SHQ1: variants seen among roughly 807,000 people sequenced by gnomAD.
SHQ1 encodes the protein protein SHQ1 homolog.
In SHQ1, 49 loss-of-function variants were observed where a neutral mutation model predicts 53.8. The observed-to-expected ratio is 0.91, with a 90% CI of 0.72 to 1.16. The LOEUF (loss-of-function observed/expected upper bound fraction) is 1.16, where lower values mean the gene tolerates loss of function less well. SHQ1 is among the 50% of genes most tolerant of loss of function. SHQ1 has a pLI of 0.00. For synonymous variants in SHQ1, 243 were observed against 251.0 expected (o/e 0.97, Z 0.30); for missense variants, 738 against 683.1 (o/e 1.08, Z -0.90).
chr3:72,826,941 A>G (rs1041337905), intron 5 of SHQ1, among the ~76,000 whole-genome samples: 1 of 152,268 alleles, frequency 6.6e-6, no homozygotes, highest in Non-Finnish European at 1.5e-5. Flanking sequence ...GTTTAGAAAC[A>G]TCACTCTTAT....
rs745530981 is a variant in SHQ1 at position 72,824,407 on chromosome 3, G to A, written c.727+17C>T. 7.0e-5 allele frequency: 113 copies of A among 1,608,186 alleles called. No homozygotes were observed. The highest frequency in any genetic ancestry group is 8.7e-5 in the Non-Finnish European group (103 of 1,178,936). ...GATTTTAAAATGAAACAAATTAGCC[G>A]AATTTGAGTTTCTTACCTAATGTAG... is the stretch of plus-strand genomic sequence containing the variant. On this transcript the variant is annotated intron_variant, in intron 6 of 10. Coordinates refer to ENST00000325599, the MANE Select transcript of SHQ1 (RefSeq NM_018130.3).
intron 4 of SHQ1, among the ~76,000 whole-genome samples, chr3:72,835,649 C>T (rs879773896): frequency 6.6e-6 from 1 of 152,206 alleles, no homozygotes; most frequent in Admixed American, 6.5e-5. Context: ...GAGCACAGCT[C>T]TGCACAATCT....
intron 1 of SHQ1, 112 bp from the exon 2 acceptor site, chr3:72,844,535 G>A (rs1266158290): frequency 4.8e-6 from 4 of 827,016 alleles, no homozygotes; most frequent in Non-Finnish European, 8.3e-6. Context: ...TTTTTAAGAA[G>A]TTCCTCAGTA....
rs905215260 is a variant in SHQ1, at chr3:72,798,779, T to A, written c.1061-5743A>T. 2.0e-5 allele frequency among the ~76,000 whole-genome samples: 3 copies of A among 152,348 alleles called. 1 individual carries two copies. In the South Asian group the frequency reaches 6.2e-4, roughly 32 times the overall value. ...AATGGTTTCCATCTCTAGGAGATGA[T>A]CAGGGTAGTGGATGTTTTTGCTGGC... On this transcript the variant is annotated intron_variant, in intron 9 of 10. Coordinates refer to ENST00000325599, the MANE Select transcript of SHQ1 (RefSeq NM_018130.3).
intron 9 of SHQ1, among the ~76,000 whole-genome samples, chr3:72,804,758 G>A (rs1706889074): frequency 6.6e-6 from 1 of 152,156 alleles, no homozygotes; most frequent in Non-Finnish European, 1.5e-5. Context: ...GGGAGGCTGA[G>A]GCAGGAGGAT....
intron 6 of SHQ1, among the ~76,000 whole-genome samples, chr3:72,823,180 T>C (rs369018756): frequency 6.7e-6 from 1 of 150,088 alleles, no homozygotes; most frequent in Admixed American, 6.6e-5. Flanking sequence ...GTCACTATAA[T>C]GAGCTTCTGT....
chr3:72,768,943 C>G (rs1251325691), intron 10 of SHQ1, among the ~76,000 whole-genome samples: 1 of 152,132 alleles, frequency 6.6e-6, no homozygotes, highest in Non-Finnish European at 1.5e-5. Context: ...ATTGAGTGGC[C>G]AGTATTTGCT....
At chr3:72,737,846 C>T in the SHQ1 span, among the ~76,000 whole-genome samples, 2 of 152,234 alleles carry the variant, frequency 1.3e-5, no homozygotes, top group Non-Finnish European at 2.9e-5. Context: ...GCTGTATTGG[C>T]TGTGCCTTAC....
At chr3:72,803,419 G>A (rs960240671) in intron 9 of SHQ1, among the ~76,000 whole-genome samples, 5 of 152,090 alleles carry the variant, frequency 3.3e-5, no homozygotes, top group Admixed American at 1.3e-4. Context: ...ATCTCAGTTT[G>A]CTTCTCCTAA....
Position 72,842,353 on chromosome 3 carries a change from C to T in SHQ1, c.258G>A (p.Glu86=). 6.2e-7 allele frequency: 1 copy of T among 1,613,940 alleles called. No homozygotes were observed. The highest frequency in any genetic ancestry group is 8.5e-7 in the Non-Finnish European group (1 of 1,179,896). The part of the protein sequence containing the change: ...LPKETPGQHF[E]GLNMLTALLA... Reference sequence around the variant, plus strand: ...GAAGAGCAGTTAACATGTTCAGCCCCTCAAAATGCTGGCCAGGGGTTTCTT... The same window carrying T: ...GAAGAGCAGTTAACATGTTCAGCCCTTCAAAATGCTGGCCAGGGGTTTCTT... Residue 86 remains glutamate (E), a synonymous_variant, in exon 3 of 11, where the codon GAG becomes GAA. Transcript: ENST00000325599.
intron 1 of SHQ1, among the ~76,000 whole-genome samples, chr3:72,846,533 A>G (rs1317572117): frequency 6.6e-6 from 1 of 152,084 alleles, no homozygotes; most frequent in Non-Finnish European, 1.5e-5. Flanking sequence ...CCTGACCTCA[A>G]GTGATCTGCC....
chr3:72,772,604 T>C, intron 10 of SHQ1: 1 of 704,130 alleles, frequency 1.4e-6, no homozygotes, highest in Non-Finnish European at 2.7e-6. Flanking sequence ...AAAAACATTT[T>C]CTTAGGACTT....
At chr3:72,773,307 T>C in intron 10 of SHQ1, 1 of 615,584 alleles carries the variant, frequency 1.6e-6, no homozygotes, top group East Asian at 3.6e-5. Flanking sequence ...AATTGGAATC[T>C]AGCTCCAAAG....
Position 72,761,681 on chromosome 3 carries a change from A to G in SHQ1, c.1182-10845T>C, listed in dbSNP as rs191013664. On this transcript the variant is annotated intron_variant, in intron 10 of 10. Transcript: ENST00000325599. Reference sequence around the variant, plus strand: ...CACATGGTAAACTCATGAAGTACTTACAGCAACCCTGTGAGATAGGTACTA... The same window carrying G: ...CACATGGTAAACTCATGAAGTACTTGCAGCAACCCTGTGAGATAGGTACTA... 5.3e-4 allele frequency among the ~76,000 whole-genome samples: 81 copies of G among 152,342 alleles called. 2 individuals are homozygous for G. The highest frequency in any genetic ancestry group is 3.7e-3 in the Admixed American group (56 of 15,304).
chr3:72,789,307 C>T (rs1437514152), intron 10 of SHQ1, among the ~76,000 whole-genome samples: 2 of 152,122 alleles, frequency 1.3e-5, no homozygotes, highest in African/African-American at 2.4e-5. Flanking sequence ...AATGCAAGGA[C>T]TTTTTTGCTT....
At chr3:72,826,144 T>C (rs1001969145) in intron 5 of SHQ1, among the ~76,000 whole-genome samples, 7 of 152,226 alleles carry the variant, frequency 4.6e-5, no homozygotes, top group African/African-American at 1.7e-4. Flanking sequence ...ATTCCATTTT[T>C]ATATATGAGG....
At chr3:72,781,158 C>G (rs1030079238) in intron 10 of SHQ1, among the ~76,000 whole-genome samples, 1 of 150,886 alleles carries the variant, frequency 6.6e-6, no homozygotes, top group African/African-American at 2.4e-5. Context: ...CTCCCAGGTT[C>G]CAGCGATTCT....
chr3:72,729,435 C>A, the SHQ1 span, among the ~76,000 whole-genome samples: 1 of 152,190 alleles, frequency 6.6e-6, no homozygotes, highest in Non-Finnish European at 1.5e-5. Context: ...CCAGATAAGG[C>A]TGCATTACCC....
At chr3:72,788,075 T>A (rs1203643586) in intron 10 of SHQ1, among the ~76,000 whole-genome samples, 7 of 152,066 alleles carry the variant, frequency 4.6e-5, no homozygotes, top group Non-Finnish European at 1.5e-5. Context: ...AACCTCAACC[T>A]CCCAGCTGCC....
Sources: gnomAD v4.1 joint callset for allele counts (sites outside exome capture counted in the v4.1 genomes callset) on GRCh38, gnomAD v4.1.1 for gene constraint, MANE v1.5 for transcripts, NCBI Gene and HGNC (gene_info 2026-07-23, HGNC 2026-07-21) for gene names.